FOXP2: variants seen among roughly 807,000 people sequenced by gnomAD.
FOXP2 encodes forkhead box protein P2.
FOXP2 carries 12 observed loss-of-function variants against 115.8 expected under a neutral mutation model. That is an observed-to-expected ratio of 0.10 (90% CI 0.07 to 0.17). The LOEUF (loss-of-function observed/expected upper bound fraction) is 0.17. FOXP2 is among the 10% of genes least tolerant of loss of function. FOXP2 has a pLI of 1.00. For synonymous variants in FOXP2, 328 were observed against 297.7 expected, an observed-to-expected ratio of 1.10 and a Z score of -1.05; for missense variants, 629 against 843.5, an observed-to-expected ratio of 0.75 and a Z score of 3.15.
intron 2 of FOXP2, among the ~76,000 whole-genome samples, chr7:114,372,977 A>T (rs1471897642): frequency 6.6e-6 from 1 of 152,000 alleles, no homozygotes; most frequent in Non-Finnish European, 1.5e-5. Flanking sequence ...TCATACTGGC[A>T]CGAAATCATA....
chr7:114,410,300 A>G (rs569562543), upstream of FOXP2, among the ~76,000 whole-genome samples: 46 of 152,184 alleles, frequency 3.0e-4, no homozygotes, highest in African/African-American at 1.1e-3. Flanking sequence ...CTACTTTCCC[A>G]TGACACCCAA....
At chr7:114,479,303 G>T (rs1796421428) in intron 2 of FOXP2, among the ~76,000 whole-genome samples, 1 of 151,526 alleles carries the variant, frequency 6.6e-6, no homozygotes, top group African/African-American at 2.4e-5. Flanking sequence ...ACACAATGTG[G>T]TAACATATTA....
At chr7:114,213,569 A>C (rs1021250875) in intron 1 of FOXP2, among the ~76,000 whole-genome samples, 1 of 152,174 alleles carries the variant, frequency 6.6e-6, no homozygotes, top group Non-Finnish European at 1.5e-5. Context: ...TCACAGCTTC[A>C]TATCTTATAT....
intron 1 of FOXP2, among the ~76,000 whole-genome samples, chr7:114,245,759 G>C (rs1311622146): frequency 6.6e-6 from 1 of 152,026 alleles, no homozygotes; most frequent in Non-Finnish European, 1.5e-5. Flanking sequence ...ACATGTGTTT[G>C]TGAATGTTTG....
chr7:114,143,307 A>C (rs1194519029), intron 1 of FOXP2, among the ~76,000 whole-genome samples: 6 of 152,058 alleles, frequency 3.9e-5, no homozygotes, highest in Admixed American at 2.6e-4. Context: ...AAAAGGCCTA[A>C]TTTATCACAG....
At chr7:114,276,654 C>T (rs914619875) in intron 1 of FOXP2, among the ~76,000 whole-genome samples, 3 of 152,150 alleles carry the variant, frequency 2.0e-5, no homozygotes, top group African/African-American at 7.2e-5. Flanking sequence ...AATTACAGCT[C>T]AGGTTTTCCT....
In FOXP2 at chr7:114,683,662, G is replaced by A. The variant is rs144534700; in HGVS notation, c.2004-6120G>A. Among the ~76,000 whole-genome samples the A allele has an allele frequency of 2.0e-5, 3 of 152,188 alleles. No homozygotes were observed. The East Asian group carries it at 5.8e-4, about 29-fold the overall frequency. On this transcript the variant is annotated intron_variant, in intron 16 of 16. Coordinates refer to ENST00000350908, the MANE Select transcript of FOXP2 (RefSeq NM_014491.4). ...TGAGTTGATCCTTAAGTGGTAGACA[G>A]GATGTGTGTGAATAGGCAGAACAGG... is the stretch of plus-strand genomic sequence containing the variant.
At chr7:114,651,345 C>G (rs73440425) in intron 8 of FOXP2, among the ~76,000 whole-genome samples, 1,662 of 152,082 alleles carry the variant, frequency 0.011, 21 homozygotes, top group African/African-American at 0.036. Context: ...TTGAAGATTA[C>G]TTTCTTTAAT....
At chr7:114,336,181 A>G (rs544919884) in intron 2 of FOXP2, among the ~76,000 whole-genome samples, 1 of 151,692 alleles carries the variant, frequency 6.6e-6, no homozygotes, top group African/African-American at 2.4e-5. Flanking sequence ...TATTTGTTTT[A>G]ATATGACAGA....
At chr7:114,277,113 A>G (rs1039128287) in intron 1 of FOXP2, among the ~76,000 whole-genome samples, 1 of 152,196 alleles carries the variant, frequency 6.6e-6, no homozygotes, top group African/African-American at 2.4e-5. Context: ...CTGGCAAATA[A>G]TTAACCTCAT....
intron 2 of FOXP2, among the ~76,000 whole-genome samples, chr7:114,310,597 C>A (rs982400514): frequency 1.3e-5 from 2 of 151,848 alleles, no homozygotes; most frequent in Non-Finnish European, 2.9e-5. Context: ...AGTACTCTGG[C>A]AGGCATCAGA....
intron 2 of FOXP2, among the ~76,000 whole-genome samples, chr7:114,332,605 C>T (rs374637863): frequency 1.4e-4 from 22 of 152,158 alleles, no homozygotes; most frequent in Middle Eastern, 3.4e-3. Flanking sequence ...TTTTTCTGAG[C>T]ATCTCTTTTT....
At chr7:114,575,890 A>AT in intron 3 of FOXP2, among the ~76,000 whole-genome samples, 1 of 151,912 alleles carries the variant, frequency 6.6e-6, no homozygotes, top group South Asian at 2.1e-4. Context: ...TGTTGCAGTA[A>AT]TTTTTTTCAC....
intron 1 of FOXP2, among the ~76,000 whole-genome samples, chr7:114,242,521 C>T (rs1022251845): frequency 6.6e-6 from 1 of 152,004 alleles, no homozygotes; most frequent in African/African-American, 2.4e-5. Context: ...TACTCATAAC[C>T]ATTATTAATT....
chr7:114,599,944 T>C (rs975942140), intron 3 of FOXP2, among the ~76,000 whole-genome samples: 1 of 152,094 alleles, frequency 6.6e-6, no homozygotes, highest in African/African-American at 2.4e-5. Flanking sequence ...CCTCTTCCAC[T>C]CCCCACCCTC....
intron 16 of FOXP2, among the ~76,000 whole-genome samples, chr7:114,676,075 ATTTTTTTTT>A (rs11327459): frequency 1.1e-5 from 1 of 89,564 alleles, no homozygotes; most frequent in African/African-American, 4.9e-5. Flanking sequence ...AGGCCCGGCT[ATTTTTTTTT>A]TTTTTTTTTT....
intron 2 of FOXP2, among the ~76,000 whole-genome samples, chr7:114,390,640 A>G (rs1792571929): frequency 6.6e-6 from 1 of 151,420 alleles, no homozygotes; most frequent in South Asian, 2.1e-4. Context: ...TGGAGCCTGA[A>G]CCTCCCTGGG....
intron 1 of FOXP2, among the ~76,000 whole-genome samples, chr7:114,169,052 G>A (rs946418633): frequency 6.6e-6 from 1 of 152,318 alleles, no homozygotes; most frequent in Admixed American, 6.5e-5. Flanking sequence ...ACCTGCAAAG[G>A]CAGAGTTTGC....
intron 2 of FOXP2, among the ~76,000 whole-genome samples, chr7:114,474,999 G>A (rs187647111): frequency 3.3e-5 from 5 of 152,042 alleles, no homozygotes; most frequent in African/African-American, 1.2e-4. Flanking sequence ...TAGTAAATGA[G>A]CCCTGCTTGG....
Sources: gnomAD v4.1 joint callset for allele counts (sites outside exome capture counted in the v4.1 genomes callset) on GRCh38, gnomAD v4.1.1 for gene constraint, MANE v1.5 for transcripts, NCBI Gene and HGNC (gene_info 2026-07-23, HGNC 2026-07-21) for gene names.